Variants in DCC observed in about 807,000 individuals in gnomAD.
DCC encodes the protein DCC netrin 1 receptor.
A neutral mutation model predicts 172.5 loss-of-function variants in DCC; 58 were observed. The ratio of observed to expected loss-of-function variants is 0.34; its 90% confidence interval spans 0.27 to 0.42. The LOEUF (loss-of-function observed/expected upper bound fraction) is 0.42, where lower values mean the gene tolerates loss of function less well. Ranked by LOEUF, DCC falls within the 10% of genes least tolerant of loss-of-function variation. The pLI is 1.00. For missense variants in DCC, 1,740 were observed against 1,791.0 expected (o/e 0.97, Z 0.51); for synonymous variants, 709 against 644.5 (o/e 1.10, Z -1.52).
chr18:53,464,350 T>A (rs2045593279), intron 24 of DCC, among the ~76,000 whole-genome samples: 1 of 152,208 alleles, frequency 6.6e-6, no homozygotes, highest in Non-Finnish European at 1.5e-5. Flanking sequence ...GTGAATAACA[T>A]CTATAAAAGA....
intron 27 of DCC, among the ~76,000 whole-genome samples, chr18:53,512,838 G>T (rs1156501579): frequency 1.3e-5 from 2 of 151,834 alleles, no homozygotes; most frequent in Non-Finnish European, 2.9e-5. Flanking sequence ...CGTCTGATTG[G>T]TGTACCTGAA....
At chr18:53,351,099 G>A (rs1048963000) in intron 15 of DCC, among the ~76,000 whole-genome samples, 1 of 150,372 alleles carries the variant, frequency 6.7e-6, no homozygotes, top group Non-Finnish European at 1.5e-5. Flanking sequence ...GCCACAGGGT[G>A]ATTCATTAAT....
At chr18:52,850,468 CATT>C (rs2038958079) in intron 2 of DCC, among the ~76,000 whole-genome samples, 1 of 152,058 alleles carries the variant, frequency 6.6e-6, no homozygotes, top group Non-Finnish European at 1.5e-5. Context: ...GGGAAAAATC[CATT>C]ATTAGCTCTG....
At chr18:53,128,868 CACATATATATATAT>C (rs1246798094) in intron 7 of DCC, among the ~76,000 whole-genome samples, 4 of 57,418 alleles carry the variant, frequency 7.0e-5, no homozygotes, top group Admixed American at 1.8e-4. Context: ...CACACACACA[CACATATATATATAT>C]ATATATATAT....
At chr18:53,526,932 A>G (rs1000219513) in intron 28 of DCC, 173 bp downstream of exon 28, 5 of 666,802 alleles carry the variant, frequency 7.5e-6, no homozygotes, top group African/African-American at 3.6e-5. Flanking sequence ...AGAGGAAATA[A>G]AAGCTATGAA....
chr18:52,638,191 G>A (rs1406789393), intron 1 of DCC, among the ~76,000 whole-genome samples: 2 of 151,886 alleles, frequency 1.3e-5, no homozygotes, highest in Non-Finnish European at 2.9e-5. Flanking sequence ...AACAAATCCT[G>A]GAAACACATC....
chr18:52,836,804 G>A (rs1380567691), intron 2 of DCC, among the ~76,000 whole-genome samples: 1 of 152,186 alleles, frequency 6.6e-6, no homozygotes, highest in Non-Finnish European at 1.5e-5. Context: ...GGTTCCACTA[G>A]GCAGTGCCCC....
intron 5 of DCC, among the ~76,000 whole-genome samples, chr18:52,941,535 T>C (rs1598953106): frequency 6.6e-6 from 1 of 151,944 alleles, no homozygotes; most frequent in South Asian, 2.1e-4. Flanking sequence ...TATGCATATA[T>C]GTAAAAATGC....
At chr18:53,179,252 A>T in intron 9 of DCC, 136 bp downstream of exon 9, 1 of 844,644 alleles carries the variant, frequency 1.2e-6, no homozygotes, top group Non-Finnish European at 1.9e-6. Context: ...AACTTATATA[A>T]CTCGAGGACT....
chr18:53,073,124 G>A (rs1287961559), intron 7 of DCC, among the ~76,000 whole-genome samples: 1 of 151,900 alleles, frequency 6.6e-6, no homozygotes, highest in Non-Finnish European at 1.5e-5. Context: ...TATTTTTGTA[G>A]GCCTACTATC....
At chr18:52,894,191 C>G (rs957290288) in intron 2 of DCC, among the ~76,000 whole-genome samples, 8 of 152,110 alleles carry the variant, frequency 5.3e-5, no homozygotes, top group African/African-American at 1.9e-4. Context: ...GAGGATTACG[C>G]TATCTTTGCT....
At chr18:53,220,949 A>G (rs1434529475) in intron 12 of DCC, among the ~76,000 whole-genome samples, 13 of 152,088 alleles carry the variant, frequency 8.5e-5, no homozygotes, top group African/African-American at 3.1e-4. Context: ...TGGAATTTGT[A>G]GGAAAGACTA....
At chr18:52,387,574 TCTTCCTTC>T (rs58543615) in intron 1 of DCC, among the ~76,000 whole-genome samples, 3,086 of 122,062 alleles carry the variant, frequency 0.025, 52 homozygotes, top group East Asian at 0.046. Flanking sequence ...TTGTTTTGTT[TCTTCCTTC>T]CTTCCTTCCT....
intron 25 of DCC, among the ~76,000 whole-genome samples, chr18:53,474,156 A>G (rs777951995): frequency 2.0e-5 from 3 of 152,288 alleles, no homozygotes; most frequent in Non-Finnish European, 2.9e-5. Context: ...TATGTACCCA[A>G]TGGAAATATA....
At chr18:53,359,597 G>GA (rs1405154980) in intron 15 of DCC, among the ~76,000 whole-genome samples, 4 of 152,084 alleles carry the variant, frequency 2.6e-5, no homozygotes, top group South Asian at 2.1e-4. Flanking sequence ...ATTATTTTCT[G>GA]AAAAAATGTG....
intron 1 of DCC, among the ~76,000 whole-genome samples, chr18:52,617,272 G>A (rs895602818): frequency 1.2e-4 from 19 of 152,136 alleles, no homozygotes; most frequent in African/African-American, 4.3e-4. Flanking sequence ...AAGGCAGGGG[G>A]ATGGGCAAAG....
In DCC at chr18:53,306,206, T is replaced by C. The variant is rs58464903; in HGVS notation, c.2053+487T>C. Among the ~76,000 whole-genome samples the C allele has an allele frequency of 3.6e-3, 552 of 152,314 alleles. 5 individuals are homozygous for C. Among genetic ancestry groups the C allele is most frequent in the African/African-American group, 0.013 (528 of 41,570 alleles). ...AAATTCACTTATGCAGCAATATTGA[T>C]AGAATTCAGAGTAGATCAACCTTCT... On this transcript the variant is annotated intron_variant, in intron 13 of 28. Coordinates refer to ENST00000442544, the MANE Select transcript of DCC (RefSeq NM_005215.4).
At chr18:53,521,013 C>T (rs1243635259) in intron 27 of DCC, among the ~76,000 whole-genome samples, 1 of 152,024 alleles carries the variant, frequency 6.6e-6, no homozygotes, top group Non-Finnish European at 1.5e-5. Context: ...ACCTTCCTCT[C>T]CAGGGACCTC....
chr18:52,525,325 C>T (rs1233327554), intron 1 of DCC, among the ~76,000 whole-genome samples: 1 of 152,144 alleles, frequency 6.6e-6, no homozygotes, highest in Non-Finnish European at 1.5e-5. Context: ...CTGGTAGAAC[C>T]TTTAGCCCCT....
Sources: allele counts gnomAD v4.1 joint callset (sites outside exome capture counted in the v4.1 genomes callset), GRCh38; gene constraint gnomAD v4.1.1; transcripts MANE v1.5; gene names NCBI Gene and HGNC (gene_info 2026-07-23, HGNC 2026-07-21).